Variants in SDK1 observed in about 807,000 individuals in gnomAD.
SDK1 encodes the protein sidekick cell adhesion molecule 1.
SDK1 carries 157 observed loss-of-function variants against 245.5 expected under a neutral mutation model. That is an observed-to-expected ratio of 0.64 (90% CI 0.56 to 0.73). The LOEUF (loss-of-function observed/expected upper bound fraction) is 0.73. Ranked by LOEUF, SDK1 falls within the 30% of genes least tolerant of loss-of-function variation. SDK1 has a pLI of 0.00. For synonymous variants in SDK1, 1,647 were observed against 1,278.5 expected (o/e 1.29, Z -6.15); for missense variants, 3,583 against 3,002.3 (o/e 1.19, Z -4.52).
chr7:3,310,569 A>G (rs1779526415), intron 1 of SDK1, among the ~76,000 whole-genome samples: 1 of 152,204 alleles, frequency 6.6e-6, no homozygotes, highest in South Asian at 2.1e-4. Context: ...TTGCATGACT[A>G]GTTGGCTAGT....
chr7:4,217,501 C>T (rs1469310081), intron 38 of SDK1, among the ~76,000 whole-genome samples: 1 of 119,196 alleles, frequency 8.4e-6, no homozygotes, highest in Non-Finnish European at 1.8e-5. Flanking sequence ...CACCACACCA[C>T]CCGGAGCACC....
intron 3 of SDK1, among the ~76,000 whole-genome samples, chr7:3,641,489 C>A (rs1260761328): frequency 6.6e-6 from 1 of 152,074 alleles, no homozygotes; most frequent in Non-Finnish European, 1.5e-5. Context: ...CCCAAAAGAT[C>A]TGTGCAGGAG....
At chr7:3,851,430 T>G (rs930226502) in intron 5 of SDK1, among the ~76,000 whole-genome samples, 1 of 152,234 alleles carries the variant, frequency 6.6e-6, no homozygotes, top group Non-Finnish European at 1.5e-5. Context: ...TACTTATATT[T>G]TCATAAAGAT....
chr7:4,197,803 T>C (rs577723384), intron 35 of SDK1, among the ~76,000 whole-genome samples: 25 of 152,216 alleles, frequency 1.6e-4, no homozygotes, highest in Non-Finnish European at 3.2e-4. Flanking sequence ...CCTTCAGATG[T>C]GGGAGGACTG....
In SDK1 at chr7:3,867,242, A is replaced by C. The variant is rs533182866; in HGVS notation, c.847+45659A>C. Among the ~76,000 whole-genome samples, 8 of 152,328 alleles carry C rather than the reference A, an allele frequency of 5.3e-5. No homozygotes were observed. The East Asian group carries it at 1.5e-3, about 29-fold the overall frequency. On this transcript the variant is annotated intron_variant, in intron 5 of 44. Coordinates refer to ENST00000404826, the MANE Select transcript of SDK1 (RefSeq NM_152744.4). ...GAGTTCAAACTGGCCAAAGAAAAAA[A>C]TAGGCCCCTAACACAGGAGAGAGAA... is the stretch of plus-strand genomic sequence containing the variant.
At chr7:3,495,166 C>G (rs1781985663) in intron 1 of SDK1, among the ~76,000 whole-genome samples, 1 of 152,036 alleles carries the variant, frequency 6.6e-6, no homozygotes, top group Non-Finnish European at 1.5e-5. Flanking sequence ...GTTGCACATC[C>G]TCCTGATCAT....
Position 3,554,176 on chromosome 7 carries a change from G to A in SDK1, c.299-64904G>A, listed in dbSNP as rs113824064. On this transcript the variant is annotated intron_variant, in intron 1 of 44. Transcript: ENST00000404826. ...ATACATAGTCTTCCAAAGAATTCGT[G>A]GGACATTCACCAAGACGGCGCACAT... is the stretch of plus-strand genomic sequence containing the variant. Among the ~76,000 whole-genome samples the A allele has an allele frequency of 1.1e-4, 17 of 152,232 alleles. 2 individuals are homozygous for A. Among genetic ancestry groups the A allele is most frequent in the African/African-American group, 3.9e-4 (16 of 41,516 alleles).
At chr7:3,671,949 C>G (rs1039272226) in intron 4 of SDK1, among the ~76,000 whole-genome samples, 2 of 152,140 alleles carry the variant, frequency 1.3e-5, no homozygotes, top group African/African-American at 4.8e-5. Flanking sequence ...TGACTTATCC[C>G]TTTACAACTG....
chr7:3,647,000 T>C (rs1782860376), intron 4 of SDK1, among the ~76,000 whole-genome samples: 1 of 152,048 alleles, frequency 6.6e-6, no homozygotes, highest in Non-Finnish European at 1.5e-5. Context: ...TTTCACAAGA[T>C]GGAAAGATGT....
At chr7:3,427,176 G>T (rs6462069) in intron 1 of SDK1, among the ~76,000 whole-genome samples, 109,141 of 152,030 alleles carry the variant, frequency 0.72, 39,259 homozygotes, top group South Asian at 0.82. Context: ...CTCTGTCAGT[G>T]ATAAATATGT....
At chr7:4,176,438 G>A (rs1782217177) in intron 34 of SDK1, among the ~76,000 whole-genome samples, 1 of 152,162 alleles carries the variant, frequency 6.6e-6, no homozygotes, top group South Asian at 2.1e-4. Flanking sequence ...CAAGATGCTA[G>A]GGCTATAGGC....
At position 3,392,682 on chromosome 7, in the gene SDK1, G is replaced by A. The variant is rs143566024; in HGVS notation, c.298+90798G>A. Among the ~76,000 whole-genome samples the A allele has an allele frequency of 4.4e-3, 670 of 151,912 alleles. 8 individuals are homozygous for A. The highest frequency in any genetic ancestry group is 0.015 in the African/African-American group (634 of 41,426). ...GTCTTTATGAATTTGTCTACTCTAGGTATTTATGTAAAATCATACAACACA... is the reference window on the plus strand; with the variant it reads ...GTCTTTATGAATTTGTCTACTCTAGATATTTATGTAAAATCATACAACACA... On this transcript the variant is annotated intron_variant, in intron 1 of 44. Coordinates refer to ENST00000404826, the MANE Select transcript of SDK1 (RefSeq NM_152744.4).
intron 44 of SDK1, among the ~76,000 whole-genome samples, chr7:4,263,655 G>A (rs866980247): frequency 3.5e-4 from 3 of 8,586 alleles, no homozygotes; most frequent in African/African-American, 1.3e-3. Context: ...CCGCGTAGAC[G>A]TCTCCTGAGT....
At chr7:3,362,252 T>G (rs927872275) in intron 1 of SDK1, among the ~76,000 whole-genome samples, 4 of 152,228 alleles carry the variant, frequency 2.6e-5, no homozygotes, top group African/African-American at 9.6e-5. Context: ...TCACATAGTA[T>G]AGTACACAGA....
At chr7:3,655,479 A>G (rs867643899) in intron 4 of SDK1, among the ~76,000 whole-genome samples, 64 of 94,348 alleles carry the variant, frequency 6.8e-4, no homozygotes, top group African/African-American at 2.4e-3. Flanking sequence ...ATATATATAT[A>G]TATATATATA....
At chr7:4,130,131 C>G (rs1421837095) in intron 27 of SDK1, 34 bp downstream of exon 27, 1 of 1,536,162 alleles carries the variant, frequency 6.5e-7, no homozygotes, top group Admixed American at 1.9e-5. Context: ...GGGAGCCTTG[C>G]TGCCTCCCAG....
intron 1 of SDK1, among the ~76,000 whole-genome samples, chr7:3,412,492 T>C (rs937645523): frequency 9.2e-5 from 14 of 152,234 alleles, no homozygotes; most frequent in African/African-American, 3.1e-4. Context: ...TGTTCCTTTA[T>C]GTGTTTATAC....
chr7:3,369,974 C>G (rs1781182911), intron 1 of SDK1, among the ~76,000 whole-genome samples: 1 of 152,174 alleles, frequency 6.6e-6, no homozygotes, highest in Non-Finnish European at 1.5e-5. Flanking sequence ...CAGTTCGTTT[C>G]TAACTAGCAA....
chr7:3,525,834 A>G (rs540848743), intron 1 of SDK1, among the ~76,000 whole-genome samples: 1 of 152,180 alleles, frequency 6.6e-6, no homozygotes, highest in East Asian at 1.9e-4. Context: ...TAGTGTAATA[A>G]TTTGTCTTAT....
Sources: gnomAD v4.1 joint callset for allele counts (sites outside exome capture counted in the v4.1 genomes callset) on GRCh38, gnomAD v4.1.1 for gene constraint, MANE v1.5 for transcripts, NCBI Gene and HGNC (gene_info 2026-07-23, HGNC 2026-07-21) for gene names.